EML5: variants seen among roughly 807,000 people sequenced by gnomAD.
EML5 encodes the protein EMAP like 5.
A neutral mutation model predicts 250.0 loss-of-function variants in EML5; 120 were observed. That is an observed-to-expected ratio of 0.48 (90% CI 0.41 to 0.56). The LOEUF is 0.56. Ranked by LOEUF, EML5 falls within the 20% of genes least tolerant of loss-of-function variation. The probability of loss-of-function intolerance (pLI) is 0.00; values close to 1 mark genes in which losing one functional copy is unlikely to be tolerated. For missense variants in EML5, 2,006 were observed against 2,437.6 expected (o/e 0.82, Z 3.73); for synonymous variants, 771 against 806.5 (o/e 0.96, Z 0.75).
chr14:88,675,639 T>C (rs927878055), intron 21 of EML5, among the ~76,000 whole-genome samples: 2 of 152,200 alleles, frequency 1.3e-5, no homozygotes, highest in African/African-American at 4.8e-5. Context: ...GGAATTAACA[T>C]TCAGCTCCTC....
chr14:88,618,433 T>C, intron 40 of EML5, 102 bp from the exon 41 acceptor site: 1 of 1,146,982 alleles, frequency 8.7e-7, no homozygotes, highest in Non-Finnish European at 1.3e-6. Context: ...GATTTACATG[T>C]CTAACATTAT....
intron 33 of EML5, 24 bp downstream of exon 33, chr14:88,634,445 C>G (rs779343953): frequency 2.8e-6 from 4 of 1,447,948 alleles, no homozygotes; most frequent in Admixed American, 2.4e-5. Context: ...ATAAATAAAG[C>G]AGAAAATGTT....
At chr14:88,660,014 G>T (rs1022607290) in intron 25 of EML5, among the ~76,000 whole-genome samples, 2 of 151,982 alleles carry the variant, frequency 1.3e-5, no homozygotes, top group Non-Finnish European at 2.9e-5. Flanking sequence ...AGTGACTCGC[G>T]CCTGTAATCC....
chr14:88,696,216 A>C (rs1040642681), intron 15 of EML5, among the ~76,000 whole-genome samples: 1 of 151,780 alleles, frequency 6.6e-6, no homozygotes, highest in Admixed American at 6.6e-5. Flanking sequence ...TGGATAATTT[A>C]TCACTTCAGT....
In EML5 at chr14:88,792,695, C is replaced by G. The variant is rs1326370782; in HGVS notation, c.-192G>C. ...AGCCCACAGGCGGGAGGAAAACCCTCGCCTCGCGGAACATGCTGAGGGCCG... is the reference window on the plus strand; with the variant it reads ...AGCCCACAGGCGGGAGGAAAACCCTGGCCTCGCGGAACATGCTGAGGGCCG... On this transcript the variant is annotated 5_prime_UTR_variant, in exon 1 of 44. Transcript: ENST00000554922. The surrounding 1 kb of genome is among the most constrained non-coding windows in gnomAD (Gnocchi z 6.9). 8.9e-7 allele frequency: 1 copy of G among 1,124,796 alleles called. No individual in the cohort carries two copies. Among genetic ancestry groups the G allele is most frequent in the Non-Finnish European group, 1.1e-6 (1 of 920,604 alleles). 69.7% of individuals were successfully genotyped at this position (1,124,796 alleles called of 1,614,324 possible).
At chr14:88,791,377 TTAATA>T (rs2094606601) in intron 1 of EML5, among the ~76,000 whole-genome samples, 1 of 152,226 alleles carries the variant, frequency 6.6e-6, no homozygotes, top group African/African-American at 2.4e-5. Flanking sequence ...TCAATTGCTT[TTAATA>T]TATTTTCCTC....
chr14:88,636,462 A>G (rs1012131172), intron 32 of EML5, among the ~76,000 whole-genome samples: 1 of 152,212 alleles, frequency 6.6e-6, no homozygotes, highest in Non-Finnish European at 1.5e-5. Context: ...AGAGATCAAG[A>G]CCATCCTGGC....
chr14:88,663,780 C>T (rs1054464620), intron 23 of EML5, among the ~76,000 whole-genome samples: 1 of 151,724 alleles, frequency 6.6e-6, no homozygotes, highest in Non-Finnish European at 1.5e-5. Flanking sequence ...AGCAGTCCTC[C>T]AGCCTTGGCC....
At chr14:88,765,310 T>G (rs1198119563) in intron 1 of EML5, among the ~76,000 whole-genome samples, 1 of 152,146 alleles carries the variant, frequency 6.6e-6, no homozygotes, top group East Asian at 1.9e-4. Context: ...GCTTCCAAGT[T>G]CATTCAGAAC....
chr14:88,642,087 T>C (rs1300473687), intron 31 of EML5, among the ~76,000 whole-genome samples: 1 of 152,178 alleles, frequency 6.6e-6, no homozygotes. Context: ...TGATGGTTAA[T>C]ACCGACAAGA....
intron 13 of EML5, 81 bp downstream of exon 13, chr14:88,704,779 T>C: frequency 1.0e-6 from 1 of 974,278 alleles, no homozygotes; most frequent in Non-Finnish European, 1.6e-6. Flanking sequence ...GGGGATACAG[T>C]CAGTTCTATC....
At chr14:88,760,502 T>C (rs1370675064) in intron 1 of EML5, among the ~76,000 whole-genome samples, 5 of 152,186 alleles carry the variant, frequency 3.3e-5, no homozygotes, top group Admixed American at 6.5e-5. Context: ...TTGCACCCTG[T>C]ATTTTACACC....
rs774257756 is a variant in EML5, at chr14:88,696,916, C to T, written c.2275G>A (p.Glu759Lys). Residue 759 changes from glutamate (E) to lysine (K), a missense_variant, in exon 15 of 44, where the codon GAG becomes AAG. Glu to Lys is a moderately conservative substitution (Grantham distance 56). Transcript: ENST00000554922. ...AATATGGACAATGGTTTAATGGTCT[C>T]TGTATCCCATATATGAATTGAGGGA... ...RDPSIHIWDT[E>K]TIKPLSILKG... 6.2e-7 allele frequency: 1 copy of T among 1,606,320 alleles called. No individual in the cohort carries two copies. The highest frequency in any genetic ancestry group is 8.5e-7 in the Non-Finnish European group (1 of 1,176,050).
chr14:88,673,644 A>C (rs2092524759), intron 21 of EML5, among the ~76,000 whole-genome samples: 1 of 152,248 alleles, frequency 6.6e-6, no homozygotes, highest in Non-Finnish European at 1.5e-5. Flanking sequence ...ATCTCAGCCC[A>C]AAAGCTTCTT....
At chr14:88,655,332 C>T (rs1167691381) in intron 27 of EML5, among the ~76,000 whole-genome samples, 1 of 152,244 alleles carries the variant, frequency 6.6e-6, no homozygotes, top group Non-Finnish European at 1.5e-5. Context: ...CACATATCTA[C>T]AACAATCTGA....
intron 1 of EML5, among the ~76,000 whole-genome samples, chr14:88,762,186 C>A (rs1348065184): frequency 5.3e-5 from 8 of 152,036 alleles, no homozygotes; most frequent in Admixed American, 5.2e-4. Flanking sequence ...TACAGGAGCA[C>A]CCAGATTCAT....
intron 1 of EML5, among the ~76,000 whole-genome samples, chr14:88,775,831 C>T (rs947508823): frequency 4.6e-5 from 7 of 152,196 alleles, no homozygotes; most frequent in African/African-American, 1.4e-4. Context: ...GTCTTCAGGT[C>T]TGACCCAGCA....
intron 32 of EML5, among the ~76,000 whole-genome samples, chr14:88,635,685 C>T (rs759956373): frequency 1.3e-4 from 20 of 152,130 alleles, no homozygotes; most frequent in Non-Finnish European, 2.5e-4. Flanking sequence ...CATTCTCTTC[C>T]ATCCCACACC....
intron 12 of EML5, 83 bp from the exon 13 acceptor site, chr14:88,705,061 C>T (rs2093291132): frequency 1.1e-6 from 1 of 911,516 alleles, no homozygotes; most frequent in Admixed American, 2.8e-5. Flanking sequence ...AACTTTCAGA[C>T]ATTGTCTGAA....
Sources: gnomAD v4.1 joint callset for allele counts (sites outside exome capture counted in the v4.1 genomes callset) on GRCh38, gnomAD v4.1.1 for gene constraint, Gnocchi (gnomAD v3.1) non-coding constraint, MANE v1.5 for transcripts, NCBI Gene and HGNC (gene_info 2026-07-23, HGNC 2026-07-21) for gene names.